Variants in CDH9 observed in about 807,000 individuals in gnomAD.
CDH9 encodes cadherin 9, also known as cadherin-9.
A neutral mutation model predicts 70.9 loss-of-function variants in CDH9; 28 were observed. That is an observed-to-expected ratio of 0.40 (90% CI 0.29 to 0.54). The LOEUF (loss-of-function observed/expected upper bound fraction) is 0.54. Among genes scored for constraint, CDH9 ranks in the 20% least tolerant of loss-of-function variants. The pLI, the probability that CDH9 is intolerant of heterozygous loss-of-function variation, is 0.59. For synonymous variants in CDH9, 409 were observed against 343.1 expected, an observed-to-expected ratio of 1.19 and a Z score of -2.12; for missense variants, 874 against 984.4, an observed-to-expected ratio of 0.89 and a Z score of 1.50.
chr5:26,923,773 T>C (rs1741289304), intron 2 of CDH9, among the ~76,000 whole-genome samples: 2 of 152,036 alleles, frequency 1.3e-5, no homozygotes, highest in Non-Finnish European at 1.5e-5. Context: ...TTAGAAACTA[T>C]ACAAACACAT....
intron 2 of CDH9, among the ~76,000 whole-genome samples, chr5:26,975,453 T>C (rs1434730336): frequency 6.6e-6 from 1 of 152,200 alleles, no homozygotes; most frequent in Non-Finnish European, 1.5e-5. Context: ...AATTGAAACA[T>C]GAACTGAAAT....
chr5:26,996,607 G>T (rs760627284), intron 1 of CDH9, among the ~76,000 whole-genome samples: 15 of 151,724 alleles, frequency 9.9e-5, no homozygotes, highest in South Asian at 4.2e-4. Context: ...ACTTTTGAGG[G>T]ATATATGCTT....
At position 26,976,418 on chromosome 5, in the gene CDH9, T is replaced by C. The variant is rs151272071; in HGVS notation, c.228+11688A>G. Among the ~76,000 whole-genome samples, 118 of 151,864 alleles carry C rather than the reference T, an allele frequency of 7.8e-4. 2 individuals are homozygous for C. The highest frequency in any genetic ancestry group is 2.7e-3 in the African/African-American group (111 of 41,216). ...TATTGATTGTGATAACATTTAATCTTTAGGTTATTTTACAGTCCTCTAATT... is the reference window on the plus strand; with the variant it reads ...TATTGATTGTGATAACATTTAATCTCTAGGTTATTTTACAGTCCTCTAATT... On this transcript the variant is annotated intron_variant, in intron 2 of 11. Transcript: ENST00000231021.
At chr5:26,897,586 G>C (rs562677012) in intron 7 of CDH9, among the ~76,000 whole-genome samples, 1 of 152,148 alleles carries the variant, frequency 6.6e-6, no homozygotes, top group Non-Finnish European at 1.5e-5. Context: ...TATCTCAATA[G>C]ATGAAGGAAA....
chr5:26,921,701 C>T (rs943831427), intron 2 of CDH9, among the ~76,000 whole-genome samples: 1 of 152,238 alleles, frequency 6.6e-6, no homozygotes, highest in Non-Finnish European at 1.5e-5. Context: ...ACTCTCTGCT[C>T]TCTACTTTTC....
intron 2 of CDH9, among the ~76,000 whole-genome samples, chr5:26,981,942 ACAT>A (rs140187333): frequency 2.6e-5 from 4 of 151,894 alleles, no homozygotes; most frequent in Non-Finnish European, 4.4e-5. Flanking sequence ...TTTCATAATG[ACAT>A]CATCATCATC....
intron 1 of CDH9, among the ~76,000 whole-genome samples, chr5:27,006,216 G>A (rs923206570): frequency 6.6e-6 from 1 of 152,092 alleles, no homozygotes; most frequent in Non-Finnish European, 1.5e-5. Flanking sequence ...TTAGTCATAT[G>A]AAAGAGAGGT....
intron 2 of CDH9, among the ~76,000 whole-genome samples, chr5:26,983,183 G>T (rs756047913): frequency 3.3e-5 from 5 of 152,140 alleles, no homozygotes; most frequent in Non-Finnish European, 7.4e-5. Flanking sequence ...CGGATGTGAT[G>T]AACAAAAGGT....
At chr5:26,955,011 G>C (rs1474301975) in intron 2 of CDH9, among the ~76,000 whole-genome samples, 1 of 152,064 alleles carries the variant, frequency 6.6e-6, no homozygotes, top group African/African-American at 2.4e-5. Context: ...CACCAGCCTG[G>C]CAACAGAATG....
intron 9 of CDH9, 35 bp downstream of exon 9, chr5:26,889,801 A>G: frequency 7.3e-7 from 1 of 1,366,308 alleles, no homozygotes; most frequent in Non-Finnish European, 1.0e-6. Context: ...TAAAGAGAAA[A>G]TATATTCTTT....
chr5:26,916,302 C>G (rs1422395970), intron 2 of CDH9, among the ~76,000 whole-genome samples: 1 of 151,854 alleles, frequency 6.6e-6, no homozygotes, highest in Admixed American at 6.6e-5. Context: ...AATGACTAAG[C>G]TCTAAGATAT....
intron 2 of CDH9, among the ~76,000 whole-genome samples, chr5:26,977,435 A>G (rs1486910096): frequency 2.0e-5 from 3 of 150,304 alleles, no homozygotes; most frequent in African/African-American, 7.4e-5. Flanking sequence ...CATTCTACAA[A>G]GTATATTAAA....
rs1457198445 is a variant in CDH9, at chr5:26,885,809, T to C, written c.1687A>G (p.Thr563Ala). The C allele has an allele frequency of 6.2e-7, 1 of 1,613,662 alleles. No individual in the cohort carries two copies. The highest frequency in any genetic ancestry group is 8.5e-7 in the Non-Finnish European group (1 of 1,179,658). The change falls in exon 11 of 12, where the codon ACC becomes GCC. Residue 563 changes from threonine (T) to alanine (A), a missense_variant. Physicochemically the swap from Thr to Ala is moderately conservative, Grantham distance 58 (BLOSUM62 0). Coordinates refer to ENST00000231021, the MANE Select transcript of CDH9 (RefSeq NM_016279.4). ...KDGYSRNKMS[T>A]YLLPILIFDN... ...AAGATTAAAATCGGCAATAAGTAGG[T>C]GCTCATTTTGTTGCGACTGTAGCCA...
At chr5:26,962,024 T>A (rs1195933955) in intron 2 of CDH9, among the ~76,000 whole-genome samples, 1 of 152,154 alleles carries the variant, frequency 6.6e-6, no homozygotes, top group Non-Finnish European at 1.5e-5. Context: ...GCCCTCCCTG[T>A]GTCCATGTGT....
intron 2 of CDH9, among the ~76,000 whole-genome samples, chr5:26,928,434 G>A (rs1741384139): frequency 6.6e-6 from 1 of 151,974 alleles, no homozygotes; most frequent in Non-Finnish European, 1.5e-5. Context: ...GCAATACACA[G>A]AGTCAATGTA....
rs552227991 is a variant in CDH9, at chr5:26,881,082, A to G, written c.*54T>C. 8 of 1,480,066 alleles carry G rather than the reference A, an allele frequency of 5.4e-6. No individual in the cohort carries two copies. Among genetic ancestry groups the G allele is most frequent in the South Asian group, 2.7e-5 (2 of 74,358 alleles). The allele number at this position is 1,480,066 out of a possible 1,614,324, so 91.7% of individuals were successfully genotyped here. A position where few individuals can be genotyped will look rare whatever the true frequency, so the allele number is the denominator to read the frequency against. On this transcript the variant is annotated 3_prime_UTR_variant, in exon 12 of 12. Coordinates refer to ENST00000231021, the MANE Select transcript of CDH9 (RefSeq NM_016279.4). ...CCAGGAAGAGAATGCAGGCCACTCA[A>G]TCTAATAACATAGACAGTACTTCCA...
At chr5:26,947,878 G>A (rs1579469326) in intron 2 of CDH9, among the ~76,000 whole-genome samples, 2 of 152,148 alleles carry the variant, frequency 1.3e-5, no homozygotes, top group Admixed American at 6.5e-5. Flanking sequence ...ACAGCAGGCT[G>A]CCTGGTTCAC....
intron 2 of CDH9, among the ~76,000 whole-genome samples, chr5:26,918,269 G>C (rs1330906894): frequency 6.6e-6 from 1 of 151,646 alleles, no homozygotes; most frequent in African/African-American, 2.4e-5. Context: ...CTAAGTATTT[G>C]TCATATTTCA....
At chr5:26,976,949 A>T (rs1268104511) in intron 2 of CDH9, among the ~76,000 whole-genome samples, 1 of 151,994 alleles carries the variant, frequency 6.6e-6, no homozygotes, top group Non-Finnish European at 1.5e-5. Context: ...ATTTGCAGAT[A>T]TATTATTTGT....
Sources: gnomAD v4.1 joint callset for allele counts (sites outside exome capture counted in the v4.1 genomes callset) on GRCh38, gnomAD v4.1.1 for gene constraint, MANE v1.5 for transcripts, NCBI Gene and HGNC (gene_info 2026-07-23, HGNC 2026-07-21) for gene names.